Variants in SH3RF3 observed in about 807,000 individuals in gnomAD.
SH3RF3 encodes E3 ubiquitin-protein ligase SH3RF3.
SH3RF3 carries 29 observed loss-of-function variants against 66.3 expected under a neutral mutation model. The observed-to-expected ratio is 0.44, with a 90% CI of 0.33 to 0.60. The LOEUF (loss-of-function observed/expected upper bound fraction) is 0.60. Ranked by LOEUF, SH3RF3 falls within the 20% of genes least tolerant of loss-of-function variation. The probability of loss-of-function intolerance (pLI) is 0.04; values close to 1 mark genes in which losing one functional copy is unlikely to be tolerated. For synonymous variants in SH3RF3, 583 were observed against 532.0 expected (o/e 1.10, Z -1.32); for missense variants, 1,194 against 1,190.9 (o/e 1.00, Z -0.04).
intron 1 of SH3RF3, among the ~76,000 whole-genome samples, chr2:109,192,373 C>T (rs1678387828): frequency 6.6e-6 from 1 of 152,196 alleles, no homozygotes; most frequent in South Asian, 2.1e-4. Flanking sequence ...AGGCATCATT[C>T]TCAAAATGTG....
At chr2:109,330,759 A>G (rs1056195863) in intron 1 of SH3RF3, among the ~76,000 whole-genome samples, 15 of 152,178 alleles carry the variant, frequency 9.9e-5, no homozygotes, top group African/African-American at 3.6e-4. Flanking sequence ...AGATAATTCA[A>G]ATACATACAC....
Position 109,332,109 on chromosome 2 carries a change from A to G in SH3RF3, c.574-15565A>G, listed in dbSNP as rs368785671. ...TTTTGGGTGCTTCTGTTTAGCATAG[A>G]CATTGGCCAAGGCTGCTGGTAAAGA... On this transcript the variant is annotated intron_variant, in intron 1 of 9. Coordinates refer to ENST00000309415, the MANE Select transcript of SH3RF3 (RefSeq NM_001099289.3). Among the ~76,000 whole-genome samples, 6 of 152,278 alleles carry G rather than the reference A, an allele frequency of 3.9e-5. No individual in the cohort carries two copies. In the East Asian group the frequency reaches 1.2e-3, roughly 29 times the overall value.
intron 1 of SH3RF3, among the ~76,000 whole-genome samples, chr2:109,192,020 T>A (rs554235072): frequency 6.6e-6 from 1 of 152,224 alleles, no homozygotes; most frequent in South Asian, 2.1e-4. Flanking sequence ...CCTGCAGTCA[T>A]TTTGGCGAAC....
chr2:109,137,788 G>A (rs892022127), intron 1 of SH3RF3, among the ~76,000 whole-genome samples: 2 of 152,184 alleles, frequency 1.3e-5, no homozygotes, highest in Non-Finnish European at 2.9e-5. Flanking sequence ...AAGACTAATC[G>A]GTTAATCCTC....
At chr2:109,373,664 A>G (rs990117161) in intron 3 of SH3RF3, among the ~76,000 whole-genome samples, 3 of 152,152 alleles carry the variant, frequency 2.0e-5, no homozygotes, top group Non-Finnish European at 4.4e-5. Flanking sequence ...GGAAGAGGTA[A>G]GGAGGTTCTG....
chr2:109,265,239 G>A (rs1051918932), intron 1 of SH3RF3, among the ~76,000 whole-genome samples: 2 of 152,288 alleles, frequency 1.3e-5, no homozygotes, highest in East Asian at 1.9e-4. Context: ...GGATTAAAGG[G>A]CCAAGGCAGG....
chr2:109,461,071 G>T (rs1445151412), intron 8 of SH3RF3, among the ~76,000 whole-genome samples: 2 of 152,254 alleles, frequency 1.3e-5, no homozygotes, highest in Non-Finnish European at 2.9e-5. Context: ...CAGCATAGCA[G>T]GAGTGGTGAC....
In SH3RF3 at chr2:109,129,839, T is replaced by C. The variant is rs534902699; in HGVS notation, c.299T>C (p.Leu100Pro). The C allele has an allele frequency of 2.6e-6, 4 of 1,535,096 alleles. No homozygotes were observed. The African/African-American group carries it at 4.2e-5, about 16-fold the overall frequency. ...HELRCPECRI[L>P]VGCGVDELPA... The stretch of plus-strand genomic sequence containing the variant: ...CTGCGCTGCCCCGAGTGCCGCATCC[T>C]GGTGGGCTGCGGCGTGGACGAACTG... Residue 100 changes from leucine to proline, a missense_variant, in exon 1 of 10, where the codon CTG becomes CCG. Leu to Pro is a moderately conservative substitution (Grantham distance 98). Transcript: ENST00000309415.
At chr2:109,312,506 C>CTT in intron 1 of SH3RF3, among the ~76,000 whole-genome samples, 1 of 152,238 alleles carries the variant, frequency 6.6e-6, no homozygotes, top group East Asian at 1.9e-4. Context: ...AAAGGAAACT[C>CTT]TCTACCCATC....
In SH3RF3 at chr2:109,432,655, G is replaced by A. The variant is rs750440772; in HGVS notation, c.1558G>A (p.Val520Met). ...GVSGVFPGNY[V>M]TPVSRVPAGG... ...CTCTGGGGTGTTCCCCGGAAACTAC[G>A]TGACACCCGTTTCCAGGTGAGGGCA... The change falls in exon 6 of 10, where the codon GTG becomes ATG. Residue 520 changes from valine to methionine, a missense_variant. Physicochemically the swap from Val to Met is conservative, Grantham distance 21. Transcript: ENST00000309415. 15 of 1,612,362 alleles carry A rather than the reference G, an allele frequency of 9.3e-6. 1 individual carries two copies. Among genetic ancestry groups the A allele is most frequent in the South Asian group, 2.2e-5 (2 of 90,570 alleles).
chr2:109,233,231 C>T (rs1679556262), intron 1 of SH3RF3, among the ~76,000 whole-genome samples: 3 of 152,100 alleles, frequency 2.0e-5, no homozygotes, highest in Non-Finnish European at 4.4e-5. Context: ...TGTCCAGCAC[C>T]CTGGAAGAAT....
intron 2 of SH3RF3, among the ~76,000 whole-genome samples, chr2:109,354,762 C>T (rs565812892): frequency 2.6e-5 from 4 of 152,330 alleles, no homozygotes; most frequent in African/African-American, 7.2e-5. Context: ...TTCACAAAGG[C>T]GCATCTGTGT....
chr2:109,426,088 T>C (rs899318439), intron 5 of SH3RF3, among the ~76,000 whole-genome samples: 1 of 152,156 alleles, frequency 6.6e-6, no homozygotes, highest in African/African-American at 2.4e-5. Flanking sequence ...TATATTTTTT[T>C]AGTAGAGACA....
At chr2:109,371,816 C>G (rs1032596186) in intron 3 of SH3RF3, 135 bp downstream of exon 3, 3 of 752,798 alleles carry the variant, frequency 4.0e-6, no homozygotes, top group Non-Finnish European at 6.7e-6. Context: ...GGCCAGAGAG[C>G]TGCTATGTGT....
rs79852199 is a variant in SH3RF3 at position 109,394,791 on chromosome 2, C to T, written c.946-3799C>T. Reference sequence around the variant, plus strand: ...GGGCTGCACCCTCAGGCCGAATCCACACCACATGGGAGGGCAGAGCCACCT... The same window carrying T: ...GGGCTGCACCCTCAGGCCGAATCCATACCACATGGGAGGGCAGAGCCACCT... On this transcript the variant is annotated intron_variant, in intron 3 of 9. Transcript: ENST00000309415. Among the ~76,000 whole-genome samples the T allele has an allele frequency of 2.7e-3, 407 of 152,344 alleles. 7 individuals carry two copies. The highest frequency in any genetic ancestry group is 0.021 in the East Asian group (108 of 5,172).
intron 1 of SH3RF3, among the ~76,000 whole-genome samples, chr2:109,283,377 C>T (rs1303770033): frequency 6.6e-6 from 1 of 152,194 alleles, no homozygotes; most frequent in Non-Finnish European, 1.5e-5. Flanking sequence ...CCTCACCTCA[C>T]TGCGTTGAAA....
chr2:109,248,066 A>G (rs1679964604), intron 1 of SH3RF3, among the ~76,000 whole-genome samples: 1 of 152,244 alleles, frequency 6.6e-6, no homozygotes, highest in Non-Finnish European at 1.5e-5. Flanking sequence ...GCCTGGATCC[A>G]GGGAACATGA....
In SH3RF3 at chr2:109,449,446, C is replaced by G; in HGVS notation, c.2105C>G (p.Pro702Arg). ...ATCGGTGTTCTGTCCACATCCAGCCCCACCAACACGGGATGCAAACTAGAC... is the reference window on the plus strand; with the variant it reads ...ATCGGTGTTCTGTCCACATCCAGCCGCACCAACACGGGATGCAAACTAGAC... ...GPIGVLSTSS[P>R]TNTGCKLDEK... The change falls in exon 8 of 10, where the codon CCC becomes CGC. Residue 702 changes from proline to arginine, a missense_variant. Pro to Arg is a moderately radical substitution (Grantham distance 103). Coordinates refer to ENST00000309415, the MANE Select transcript of SH3RF3 (RefSeq NM_001099289.3). 6.2e-7 allele frequency: 1 copy of G among 1,613,980 alleles called. No individual in the cohort carries two copies. The highest frequency in any genetic ancestry group is 1.6e-4 in the Middle Eastern group (1 of 6,062).
intron 5 of SH3RF3, among the ~76,000 whole-genome samples, chr2:109,422,892 C>G (rs1410273023): frequency 1.3e-5 from 2 of 152,120 alleles, no homozygotes; most frequent in East Asian, 1.9e-4. Flanking sequence ...CCGAGATGTC[C>G]TGTCATCACC....
Sources: gnomAD v4.1 joint callset for allele counts (sites outside exome capture counted in the v4.1 genomes callset) on GRCh38, gnomAD v4.1.1 for gene constraint, MANE v1.5 for transcripts, NCBI Gene and HGNC (gene_info 2026-07-23, HGNC 2026-07-21) for gene names.